UACA: variants seen among roughly 807,000 people sequenced by gnomAD.
UACA encodes uveal autoantigen with coiled-coil domains and ankyrin repeats, also known as nuclear membrane binding protein.
A neutral mutation model predicts 160.5 loss-of-function variants in UACA; 112 were observed. The observed-to-expected ratio is 0.70, with a 90% CI of 0.60 to 0.82. The LOEUF (loss-of-function observed/expected upper bound fraction) is 0.82. Ranked by LOEUF, UACA falls within the 40% of genes least tolerant of loss-of-function variation. The pLI is 0.00. For missense variants in UACA, 1,574 were observed against 1,614.6 expected, an observed-to-expected ratio of 0.97 and a Z score of 0.43; for synonymous variants, 557 against 568.4, an observed-to-expected ratio of 0.98 and a Z score of 0.29.
Position 70,682,770 on chromosome 15 carries a change from T to C in UACA, c.810A>G (p.Pro270=). The C allele has an allele frequency of 6.4e-7, 1 of 1,564,604 alleles. No individual in the cohort carries two copies. The highest frequency in any genetic ancestry group is 8.6e-7 in the Non-Finnish European group (1 of 1,156,954). ...AATTAATATCTACCTGTTGCAAAGA[T>C]GGCCCTTTCTTCCAAAGTTCTCTCC... is the stretch of plus-strand genomic sequence containing the variant. ...NKGRELWKKG[P]SLQQRNLTHM... The change falls in exon 9 of 19, where the codon CCA becomes CCG. Residue 270 remains proline, a synonymous_variant. Coordinates refer to ENST00000322954, the MANE Select transcript of UACA (RefSeq NM_018003.4).
chr15:70,703,252 A>G (rs1469305791), intron 1 of UACA: 1 of 1,287,910 alleles, frequency 7.8e-7, no homozygotes, highest in Non-Finnish European at 1.0e-6. Flanking sequence ...TCCTCTAAAA[A>G]GACACATTTG....
At position 70,746,516 on chromosome 15, in the gene UACA, T is replaced by G. The variant is rs897498753; in HGVS notation, c.78+16814A>C. Among the ~76,000 whole-genome samples, 4 of 152,152 alleles carry G rather than the reference T, an allele frequency of 2.6e-5. 1 individual carries two copies. The South Asian group carries it at 8.3e-4, about 32-fold the overall frequency. On this transcript the variant is annotated intron_variant, in intron 1 of 18. Coordinates refer to ENST00000322954, the MANE Select transcript of UACA (RefSeq NM_018003.4). Reference sequence around the variant, plus strand: ...TGGAGAGGACATGGAGAAATAGGAATGCTTTTACACTGTTGGTGGGAGTGT... The same window carrying G: ...TGGAGAGGACATGGAGAAATAGGAAGGCTTTTACACTGTTGGTGGGAGTGT...
intron 3 of UACA, among the ~76,000 whole-genome samples, chr15:70,692,450 A>G (rs1897972626): frequency 6.6e-6 from 1 of 152,198 alleles, no homozygotes; most frequent in African/African-American, 2.4e-5. Flanking sequence ...AGCATGAGAC[A>G]TCACACCTGG....
At chr15:70,706,228 C>A (rs1449997760) in intron 1 of UACA, among the ~76,000 whole-genome samples, 1 of 152,020 alleles carries the variant, frequency 6.6e-6, no homozygotes, top group Non-Finnish European at 1.5e-5. Flanking sequence ...ACTCAACATC[C>A]TTTCATGGTA....
Position 70,668,517 on chromosome 15 carries a change from A to G in UACA, c.2167T>C (p.Tyr723His). The G allele has an allele frequency of 6.2e-7, 1 of 1,610,180 alleles. No homozygotes were observed. Among genetic ancestry groups the G allele is most frequent in the African/African-American group, 1.3e-5 (1 of 74,778 alleles). The change falls in exon 16 of 19, where the codon TAT (tyrosine) becomes CAT (histidine). Residue 723 changes from tyrosine (Y) to histidine (H), a missense_variant. Transcript: ENST00000322954. Reference sequence around the variant, plus strand: ...TCCTTGAGGAGCTTATTATCCAAATAAACTTTTTCAATTTCCTTTTGTAGT... The same window carrying G: ...TCCTTGAGGAGCTTATTATCCAAATGAACTTTTTCAATTTCCTTTTGTAGT... ...QTLQKEIEKV[Y>H]LDNKLLKEQA...
chr15:70,699,433 A>C (rs958544008), intron 2 of UACA, 94 bp downstream of exon 2: 3 of 1,406,786 alleles, frequency 2.1e-6, no homozygotes, highest in African/African-American at 2.9e-5. Context: ...ATTTCTTAAT[A>C]AGTAAGTTGA....
intron 1 of UACA, among the ~76,000 whole-genome samples, chr15:70,744,462 TATAAG>T (rs1899639011): frequency 6.6e-6 from 1 of 152,044 alleles, no homozygotes; most frequent in Non-Finnish European, 1.5e-5. Context: ...TGAGTAAAGT[TATAAG>T]ATAATAGACT....
At position 70,656,331 on chromosome 15, in the gene UACA, T is replaced by A. The variant is rs1161882710; in HGVS notation, c.*725A>T. On this transcript the variant is annotated 3_prime_UTR_variant, in exon 19 of 19. Transcript: ENST00000322954. ...TATCATCTATCATTATTCTCCAATA[T>A]TGTGGCAAGAATAGTCACCGCAAGT... is the stretch of plus-strand genomic sequence containing the variant. 2.0e-5 allele frequency: 3 copies of A among 152,160 alleles called. No homozygotes were observed. Among genetic ancestry groups the A allele is most frequent in the Admixed American group, 6.6e-5 (1 of 15,266 alleles). The allele number at this position is 152,160 out of a possible 1,614,324, so 9.4% of individuals were successfully genotyped here. A position where few individuals can be genotyped will look rare whatever the true frequency, so the allele number is the denominator to read the frequency against.
intron 16 of UACA, chr15:70,665,063 G>T: frequency 3.3e-6 from 1 of 303,136 alleles, no homozygotes; most frequent in East Asian, 6.3e-5. Flanking sequence ...ATCCTAAGAT[G>T]TGAGTATAAA....
chr15:70,777,132 C>A, the UACA span, among the ~76,000 whole-genome samples: 3 of 151,986 alleles, frequency 2.0e-5, no homozygotes, highest in Non-Finnish European at 4.4e-5. Context: ...GAAGGTTGAG[C>A]CAACAAAAAT....
intron 1 of UACA, among the ~76,000 whole-genome samples, chr15:70,735,968 G>A (rs1899351428): frequency 6.6e-6 from 1 of 152,122 alleles, no homozygotes; most frequent in Non-Finnish European, 1.5e-5. Flanking sequence ...AAGCCACTGT[G>A]CCCAGCTGAA....
At chr15:70,704,799 A>C (rs1006942999) in intron 1 of UACA, among the ~76,000 whole-genome samples, 9 of 152,198 alleles carry the variant, frequency 5.9e-5, no homozygotes, top group African/African-American at 1.9e-4. Context: ...AGCTGAATTA[A>C]ATTTAAAGTT....
At chr15:70,763,173 C>A (rs1467012412) in intron 1 of UACA, among the ~76,000 whole-genome samples, 157 bp downstream of exon 1, 1 of 152,132 alleles carries the variant, frequency 6.6e-6, no homozygotes, top group Non-Finnish European at 1.5e-5. Context: ...GGTCTCTGGG[C>A]TGACGGAGTC....
chr15:70,752,181 C>T (rs952187760), intron 1 of UACA, among the ~76,000 whole-genome samples: 3 of 144,282 alleles, frequency 2.1e-5, no homozygotes, highest in African/African-American at 2.6e-5. Context: ...GAGGTTGCGG[C>T]GAGCCAAGAT....
intron 5 of UACA, among the ~76,000 whole-genome samples, chr15:70,688,114 G>GATTTT (rs1897795165): frequency 1.3e-5 from 2 of 152,076 alleles, no homozygotes; most frequent in Non-Finnish European, 2.9e-5. Context: ...GCTAAATTTT[G>GATTTT]TACTTACAGT....
chr15:70,665,252 G>GT lies in UACA; in HGVS notation c.3961-439dup, dbSNP rs373107212. Among the ~76,000 whole-genome samples, 430 of 152,170 alleles carry GT rather than the reference G, an allele frequency of 2.8e-3. 3 individuals carry two copies. Among genetic ancestry groups the GT allele is most frequent in the African/African-American group, 0.01 (417 of 41,512 alleles). ...ATGTTCCTTTTTCCTTTCAAGAGTT[G>GT]TATTATTTAAGACCACTTTGTTGTA... On this transcript the variant is annotated intron_variant, in intron 16 of 18. Coordinates refer to ENST00000322954, the MANE Select transcript of UACA (RefSeq NM_018003.4).
chr15:70,695,107 TA>T lies in UACA; in HGVS notation c.213-3del. 1 of 1,574,944 alleles carries T rather than the reference TA, an allele frequency of 6.3e-7. No individual in the cohort carries two copies. The highest frequency in any genetic ancestry group is 8.6e-7 in the Non-Finnish European group (1 of 1,163,314). On this transcript the variant is annotated splice_polypyrimidine_tract_variant and splice_region_variant and intron_variant, in intron 2 of 18. Coordinates refer to ENST00000322954, the MANE Select transcript of UACA (RefSeq NM_018003.4). Reference sequence around the variant, plus strand: ...CCCTTTGAGGTCACAACATGGAAGCTAAACAAAAAAAAAATATTTGTTGTGC... The same window carrying T: ...CCCTTTGAGGTCACAACATGGAAGCTAACAAAAAAAAAATATTTGTTGTGC...
intron 1 of UACA, among the ~76,000 whole-genome samples, chr15:70,751,962 A>G (rs2030098023): frequency 6.6e-6 from 1 of 152,150 alleles, no homozygotes; most frequent in East Asian, 1.9e-4. Flanking sequence ...ATGGCCGGGC[A>G]CAGTGGCTCA....
At chr15:70,744,341 T>C (rs1740868191) in intron 1 of UACA, among the ~76,000 whole-genome samples, 1 of 151,628 alleles carries the variant, frequency 6.6e-6, no homozygotes, top group African/African-American at 2.4e-5. Flanking sequence ...TCCAGCTGAC[T>C]GCCTTTGGTA....
Sources: allele counts gnomAD v4.1 joint callset (sites outside exome capture counted in the v4.1 genomes callset), GRCh38; gene constraint gnomAD v4.1.1; transcripts MANE v1.5; gene names NCBI Gene and HGNC (gene_info 2026-07-23, HGNC 2026-07-21).